EIF4G3: variants seen among roughly 807,000 people sequenced by gnomAD.
EIF4G3 encodes eIF-4-gamma 3.
A neutral mutation model predicts 186.4 loss-of-function variants in EIF4G3; 34 were observed. The ratio of observed to expected loss-of-function variants is 0.18; its 90% CI spans 0.14 to 0.24. The LOEUF (loss-of-function observed/expected upper bound fraction) is 0.24. EIF4G3 is among the 10% of genes least tolerant of loss of function. The probability of loss-of-function intolerance (pLI) is 1.00; values close to 1 mark genes in which losing one functional copy is unlikely to be tolerated. For missense variants in EIF4G3, 1,536 were observed against 1,948.5 expected (o/e 0.79, Z 3.99); for synonymous variants, 673 against 679.5 (o/e 0.99, Z 0.15).
chr1:21,088,004 G>A (rs1440916008), intron 3 of EIF4G3, among the ~76,000 whole-genome samples: 1 of 151,446 alleles, frequency 6.6e-6, no homozygotes. Context: ...GCTGAGGCAG[G>A]AGGATAACTT....
At chr1:20,989,943 G>A (rs757518321) in intron 7 of EIF4G3, among the ~76,000 whole-genome samples, 1 of 152,172 alleles carries the variant, frequency 6.6e-6, no homozygotes, top group Non-Finnish European at 1.5e-5. Context: ...TTGGGAGGCC[G>A]AAACGGGCGG....
chr1:21,105,464 A>AC (rs113099437), intron 2 of EIF4G3, among the ~76,000 whole-genome samples: 157 of 151,770 alleles, frequency 1.0e-3, no homozygotes, highest in African/African-American at 3.7e-3. Context: ...TGTACACCAA[A>AC]CCCCCACCAT....
At chr1:20,917,905 C>T (rs191234583) in intron 14 of EIF4G3, among the ~76,000 whole-genome samples, 15 of 150,844 alleles carry the variant, frequency 9.9e-5, no homozygotes, top group African/African-American at 3.6e-4. Context: ...CTATGACATA[C>T]TGTTTTTACA....
At chr1:20,913,095 G>T (rs2093437560) in intron 14 of EIF4G3, among the ~76,000 whole-genome samples, 2 of 152,162 alleles carry the variant, frequency 1.3e-5, no homozygotes, top group Non-Finnish European at 2.9e-5. Context: ...TCTTCTCAGA[G>T]GTCGTTATTT....
In EIF4G3 at chr1:20,810,405, C is replaced by T. The variant is rs549921998; in HGVS notation, c.4744+333G>A. On this transcript the variant is annotated intron_variant, in intron 36 of 36. Transcript: ENST00000602326. The surrounding 1 kb of genome is among the most constrained non-coding windows in gnomAD (Gnocchi z 4.1). Reference sequence around the variant, plus strand: ...TCCTGACCTCATGATCCATCTGCCTCGGCCTCCCAAAGTGCTGGGATTACA... The same window carrying T: ...TCCTGACCTCATGATCCATCTGCCTTGGCCTCCCAAAGTGCTGGGATTACA... 1.1e-4 allele frequency among the ~76,000 whole-genome samples: 17 copies of T among 152,212 alleles called. No individual in the cohort carries two copies. The highest frequency in any genetic ancestry group is 2.9e-4 in the African/African-American group (12 of 41,530).
chr1:20,929,017 G>A (rs566576854), intron 14 of EIF4G3, among the ~76,000 whole-genome samples: 3 of 152,172 alleles, frequency 2.0e-5, no homozygotes, highest in Admixed American at 6.5e-5. Context: ...TTCACTTAGC[G>A]TAATGTTTTT....
chr1:20,984,557 T>C (rs1558567973), intron 7 of EIF4G3, among the ~76,000 whole-genome samples: 1 of 97,694 alleles, frequency 1.0e-5, no homozygotes, highest in African/African-American at 3.5e-5. Flanking sequence ...TATATATATA[T>C]ATACACACAC....
intron 2 of EIF4G3, among the ~76,000 whole-genome samples, chr1:21,096,013 G>A (rs141549418): frequency 9.1e-4 from 138 of 152,252 alleles, no homozygotes; most frequent in African/African-American, 3.2e-3. Flanking sequence ...CTTTAACAGT[G>A]TTTTCTAATG....
chr1:21,002,848 A>T (rs780193256), intron 4 of EIF4G3, 40 bp from the exon 5 acceptor site: 2 of 1,192,612 alleles, frequency 1.7e-6, no homozygotes, highest in Non-Finnish European at 2.4e-6. Context: ...ATTTTGAAAA[A>T]ATATGGCATG....
intron 34 of EIF4G3, among the ~76,000 whole-genome samples, chr1:20,816,654 T>G: frequency 1.0e-5 from 1 of 100,470 alleles, no homozygotes; most frequent in African/African-American, 3.8e-5. Context: ...AGCCGCCCTA[T>G]CCAGGAGGTG....
chr1:21,173,749 A>G (rs1474058295), intron 2 of EIF4G3, among the ~76,000 whole-genome samples: 1 of 152,150 alleles, frequency 6.6e-6, no homozygotes, highest in Non-Finnish European at 1.5e-5. Context: ...CTATACCCAC[A>G]TACTTTGAGG....
At chr1:21,086,714 C>T (rs555199192) in intron 3 of EIF4G3, among the ~76,000 whole-genome samples, 9 of 151,784 alleles carry the variant, frequency 5.9e-5, no homozygotes, top group East Asian at 5.8e-4. Flanking sequence ...TCAAGGTGGG[C>T]GGATCACTTG....
At chr1:21,167,918 C>A in intron 2 of EIF4G3, 1 of 338,092 alleles carries the variant, frequency 3.0e-6, no homozygotes, top group South Asian at 2.4e-5. Flanking sequence ...GCAAATAATG[C>A]AAAACATTAC....
At chr1:20,971,044 T>G (rs2075789428) in intron 11 of EIF4G3, among the ~76,000 whole-genome samples, 1 of 152,184 alleles carries the variant, frequency 6.6e-6, no homozygotes, top group Admixed American at 6.5e-5. Flanking sequence ...AAAAATGCAA[T>G]AAGCACAAAG....
At chr1:21,133,878 A>G (rs1186371866) in intron 2 of EIF4G3, among the ~76,000 whole-genome samples, 1 of 152,172 alleles carries the variant, frequency 6.6e-6, no homozygotes, top group Non-Finnish European at 1.5e-5. Context: ...ATTCTCATTT[A>G]TAGATAAATA....
intron 31 of EIF4G3, 88 bp downstream of exon 31, chr1:20,829,059 A>T: frequency 1.4e-6 from 2 of 1,417,118 alleles, no homozygotes; most frequent in Non-Finnish European, 1.9e-6. Context: ...CAAAGGCGAT[A>T]ATGGGACAGT....
chr1:21,024,307 C>G (rs1360901642), intron 4 of EIF4G3, among the ~76,000 whole-genome samples: 1 of 151,534 alleles, frequency 6.6e-6, no homozygotes, highest in Non-Finnish European at 1.5e-5. Flanking sequence ...GTGAAGAGCC[C>G]CTCTGCCCGG....
At chr1:21,153,042 A>G (rs1342603236) in intron 2 of EIF4G3, among the ~76,000 whole-genome samples, 1 of 152,204 alleles carries the variant, frequency 6.6e-6, no homozygotes, top group East Asian at 1.9e-4. Flanking sequence ...TAAATGCTCC[A>G]AAGTTCCCTC....
chr1:21,149,557 G>C (rs544413720), intron 2 of EIF4G3, among the ~76,000 whole-genome samples: 118 of 152,240 alleles, frequency 7.8e-4, no homozygotes, highest in African/African-American at 2.6e-3. Context: ...TCTAGTCACA[G>C]GCAGAAAGGA....
Sources: gnomAD v4.1 joint callset for allele counts (sites outside exome capture counted in the v4.1 genomes callset) on GRCh38, gnomAD v4.1.1 for gene constraint, Gnocchi (gnomAD v3.1) non-coding constraint, MANE v1.5 for transcripts, NCBI Gene and HGNC (gene_info 2026-07-23, HGNC 2026-07-21) for gene names.